KIF18A: variants seen among roughly 807,000 people sequenced by gnomAD.
The protein encoded by KIF18A is kinesin-like protein KIF18A.
A neutral mutation model predicts 103.3 loss-of-function variants in KIF18A; 67 were observed. That is an observed-to-expected ratio of 0.65 (90% confidence interval 0.53 to 0.79). KIF18A has a LOEUF of 0.79. KIF18A is among the 30% of genes least tolerant of loss of function. The pLI, the probability that KIF18A is intolerant of heterozygous loss-of-function variation, is 0.00. For missense variants in KIF18A, 1,032 were observed against 1,062.5 expected (o/e 0.97, Z 0.40); for synonymous variants, 367 against 355.5 (o/e 1.03, Z -0.36).
At chr11:28,089,482 T>C (rs569061473) in intron 5 of KIF18A, among the ~76,000 whole-genome samples, 1 of 152,326 alleles carries the variant, frequency 6.6e-6, no homozygotes, top group East Asian at 1.9e-4. Context: ...CATAATTGTA[T>C]GTACTATATT....
intron 13 of KIF18A, among the ~76,000 whole-genome samples, chr11:28,039,061 C>A (rs545671611): frequency 6.6e-6 from 1 of 151,514 alleles, no homozygotes; most frequent in African/African-American, 2.4e-5. Context: ...TCTGGCTCCA[C>A]CAACAGCTCA....
At chr11:28,057,128 C>T (rs1458030263) in intron 13 of KIF18A, among the ~76,000 whole-genome samples, 1 of 151,900 alleles carries the variant, frequency 6.6e-6, no homozygotes, top group African/African-American at 2.4e-5. Context: ...AAACCCATAA[C>T]AAATAAACAA....
At chr11:28,041,506 C>T (rs1308023646) in intron 13 of KIF18A, among the ~76,000 whole-genome samples, 1 of 151,658 alleles carries the variant, frequency 6.6e-6, no homozygotes, top group Non-Finnish European at 1.5e-5. Context: ...GAATAAGAGG[C>T]TAGAGAGATC....
At chr11:28,048,108 G>C (rs1850662483) in intron 13 of KIF18A, among the ~76,000 whole-genome samples, 2 of 152,036 alleles carry the variant, frequency 1.3e-5, no homozygotes, top group Admixed American at 6.6e-5. Context: ...ACTATAACTA[G>C]ACAAAAAGCA....
At chr11:28,063,690 A>C (rs750766760) in intron 11 of KIF18A, among the ~76,000 whole-genome samples, 8 of 151,954 alleles carry the variant, frequency 5.3e-5, no homozygotes, top group African/African-American at 1.7e-4. Context: ...AAACAATACA[A>C]TGAAAAAAAT....
chr11:28,088,736 A>G lies in KIF18A; in HGVS notation c.700-15T>C. 1 of 1,584,344 alleles carries G rather than the reference A, an allele frequency of 6.3e-7. No homozygotes were observed. The highest frequency in any genetic ancestry group is 8.6e-7 in the Non-Finnish European group (1 of 1,156,668). On this transcript the variant is annotated splice_polypyrimidine_tract_variant and intron_variant, in intron 5 of 16. Coordinates refer to ENST00000263181, the MANE Select transcript of KIF18A (RefSeq NM_031217.4). ...CGCAAGTAAATCTTTTTGAAATTAC[A>G]AAATAGAAAAAAATGAGGATAAGAT...
chr11:28,047,126 C>A (rs568220330), intron 13 of KIF18A, among the ~76,000 whole-genome samples: 1 of 149,596 alleles, frequency 6.7e-6, no homozygotes, highest in African/African-American at 2.5e-5. Flanking sequence ...TATAATCATC[C>A]AGCATATATT....
At chr11:28,042,934 A>G (rs937086261) in intron 13 of KIF18A, among the ~76,000 whole-genome samples, 1 of 151,902 alleles carries the variant, frequency 6.6e-6, no homozygotes, top group Admixed American at 6.6e-5. Context: ...CATGGAGGAG[A>G]ATGACTTATA....
chr11:28,068,269 C>T (rs976835499), intron 11 of KIF18A, among the ~76,000 whole-genome samples: 19 of 151,814 alleles, frequency 1.3e-4, no homozygotes, highest in Admixed American at 2.0e-4. Context: ...CAGAGGCTGT[C>T]AGGGGTAGGG....
intron 12 of KIF18A, among the ~76,000 whole-genome samples, chr11:28,060,982 CTT>C (rs1850849946): frequency 6.6e-6 from 1 of 152,176 alleles, no homozygotes; most frequent in African/African-American, 2.4e-5. Context: ...TTCCTGCAGA[CTT>C]TGCGCCCTGT....
At chr11:28,046,911 G>T (rs533392704) in intron 13 of KIF18A, among the ~76,000 whole-genome samples, 2 of 150,798 alleles carry the variant, frequency 1.3e-5, no homozygotes, top group South Asian at 2.1e-4. Flanking sequence ...AAAATTAGCC[G>T]GGCCTGGTGG....
chr11:28,042,426 T>G (rs1190886603), intron 13 of KIF18A, among the ~76,000 whole-genome samples: 1 of 152,064 alleles, frequency 6.6e-6, no homozygotes, highest in Middle Eastern at 3.4e-3. Context: ...AGACATACTA[T>G]GTTTTCAGAT....
At chr11:28,094,367 G>A (rs947816915) in intron 3 of KIF18A, among the ~76,000 whole-genome samples, 2 of 151,708 alleles carry the variant, frequency 1.3e-5, no homozygotes, top group Non-Finnish European at 2.9e-5. Context: ...CACACACATA[G>A]AAAGCAAATG....
At chr11:28,052,939 A>G (rs947611274) in intron 13 of KIF18A, among the ~76,000 whole-genome samples, 5 of 152,240 alleles carry the variant, frequency 3.3e-5, no homozygotes, top group African/African-American at 9.6e-5. Context: ...AATTAAAAAA[A>G]ACACACTCAA....
At chr11:28,036,707 G>GT (rs1404374255) in intron 13 of KIF18A, 43 bp from the exon 14 acceptor site, 1 of 1,257,160 alleles carries the variant, frequency 8.0e-7, no homozygotes, top group East Asian at 2.4e-5. Context: ...ATGTTTCCTA[G>GT]TTTTTTAAAT....
chr11:28,084,049 A>C lies in KIF18A; in HGVS notation c.1074+583T>G, dbSNP rs771621410. Among the ~76,000 whole-genome samples the C allele has an allele frequency of 3.3e-5, 5 of 152,250 alleles. No individual in the cohort carries two copies. In the South Asian group the frequency reaches 8.3e-4, roughly 25 times the overall value. ...TTTGATATACATGTTTTTAAGTACA[A>C]CACATCTTTGGCAAAAATACTAATG... On this transcript the variant is annotated intron_variant, in intron 7 of 16. Transcript: ENST00000263181.
chr11:28,097,517 A>G lies in KIF18A; in HGVS notation c.325+106T>C, dbSNP rs1318651325. 4 of 781,156 alleles carry G rather than the reference A, an allele frequency of 5.1e-6. No individual in the cohort carries two copies. In the African/African-American group the frequency reaches 5.2e-5, roughly 10 times the overall value. 48.4% of individuals were successfully genotyped at this position (781,156 alleles called of 1,614,324 possible). A position where few individuals can be genotyped will look rare whatever the true frequency, so the allele number is the denominator to read the frequency against. ...TGAATTTCTTAAGAATTTTTAGCAT[A>G]CAAGCTCCTTAAATTTGATTATATT... On this transcript the variant is annotated intron_variant, in intron 2 of 16. Coordinates refer to ENST00000263181, the MANE Select transcript of KIF18A (RefSeq NM_031217.4).
intron 7 of KIF18A, 138 bp downstream of exon 7, chr11:28,084,494 G>T: frequency 2.0e-6 from 1 of 509,200 alleles, no homozygotes; most frequent in Non-Finnish European, 3.4e-6. Context: ...CGACTAAGCA[G>T]GTTAGCAAAG....
Position 28,080,566 on chromosome 11 carries a change from T to C in KIF18A, c.1262+2290A>G, listed in dbSNP as rs182175382. 6.6e-5 allele frequency among the ~76,000 whole-genome samples: 10 copies of C among 152,252 alleles called. No homozygotes were observed. The East Asian group carries it at 1.9e-3, about 29-fold the overall frequency. ...GTAATTGCTTTAGAGTGTCACAAAT[T>C]GTGCCCATATAAGACAGTAAACTTA... On this transcript the variant is annotated intron_variant, in intron 9 of 16. Transcript: ENST00000263181.
Sources: gnomAD v4.1 joint callset for allele counts (sites outside exome capture counted in the v4.1 genomes callset) on GRCh38, gnomAD v4.1.1 for gene constraint, MANE v1.5 for transcripts, NCBI Gene and HGNC (gene_info 2026-07-23, HGNC 2026-07-21) for gene names.